The following MFSD6 variants were observed in gnomAD, a reference collection of about 807,000 sequenced individuals.
MFSD6 encodes the protein major facilitator superfamily domain containing 6.
Under a neutral mutation model 56.3 loss-of-function variants are expected in MFSD6, and 26 were observed. The observed-to-expected ratio is 0.46, with a 90% CI of 0.34 to 0.64. The LOEUF is 0.64. MFSD6 is among the 30% of genes least tolerant of loss of function. MFSD6 has a pLI of 0.01. For synonymous variants in MFSD6, 331 were observed against 366.9 expected (o/e 0.90, Z 1.12); for missense variants, 750 against 986.2 (o/e 0.76, Z 3.21).
At position 190,487,762 on chromosome 2, in the gene MFSD6, G is replaced by C. The variant is rs544564117; in HGVS notation, c.1631-895G>C. Among the ~76,000 whole-genome samples the C allele has an allele frequency of 8.5e-5, 13 of 152,332 alleles. No homozygotes were observed. The highest frequency in any genetic ancestry group is 3.1e-4 in the African/African-American group (13 of 41,564). On this transcript the variant is annotated intron_variant, in intron 4 of 7. Coordinates refer to ENST00000392328, the MANE Select transcript of MFSD6 (RefSeq NM_017694.4). The surrounding 1 kb of genome is among the most constrained non-coding windows in gnomAD (Gnocchi z 5.5). ...ATATATAAGTTCTGGCAAGGAGGTGGAGAAATTGGATCTCTCATACAGTTC... is the reference window on the plus strand; with the variant it reads ...ATATATAAGTTCTGGCAAGGAGGTGCAGAAATTGGATCTCTCATACAGTTC...
intron 1 of MFSD6, among the ~76,000 whole-genome samples, chr2:190,409,680 A>G (rs1477246346): frequency 6.6e-6 from 1 of 152,136 alleles, no homozygotes; most frequent in Admixed American, 6.6e-5. Context: ...ATAAAAGGAG[A>G]TGTGTACTTG....
At chr2:190,450,239 A>G (rs1487393840) in intron 3 of MFSD6, among the ~76,000 whole-genome samples, 1 of 152,118 alleles carries the variant, frequency 6.6e-6, no homozygotes, top group African/African-American at 2.4e-5. Context: ...ATATACATGG[A>G]AATATCTGGC....
chr2:190,497,779 TCA>T lies in MFSD6; in HGVS notation c.2172+61_2172+62del. 3 of 1,512,756 alleles carry T rather than the reference TCA, an allele frequency of 2.0e-6. No homozygotes were observed. The highest frequency in any genetic ancestry group is 1.8e-6 in the Non-Finnish European group (2 of 1,111,548). 93.7% of individuals were successfully genotyped at this position (1,512,756 alleles called of 1,614,324 possible). On this transcript the variant is annotated intron_variant, in intron 7 of 7. Transcript: ENST00000392328. This position sits in a 1 kb window ranked among gnomAD's most constrained non-coding sequence, Gnocchi z 5.2. Reference sequence around the variant, plus strand: ...GTCACTCAAGATACCTTAACTGGGCTCAGTTTTAATTACTCACTTTTCATTCA... The same window carrying T: ...GTCACTCAAGATACCTTAACTGGGCTGTTTTAATTACTCACTTTTCATTCA...
chr2:190,440,779 A>G (rs948384289), intron 3 of MFSD6, among the ~76,000 whole-genome samples: 11 of 152,210 alleles, frequency 7.2e-5, no homozygotes, highest in African/African-American at 2.7e-4. Context: ...TACATTACCT[A>G]TTATTAGCCA....
At chr2:190,472,476 A>T (rs1051702506) in intron 4 of MFSD6, among the ~76,000 whole-genome samples, 1 of 152,228 alleles carries the variant, frequency 6.6e-6, no homozygotes, top group African/African-American at 2.4e-5. Context: ...CATCTGGAAG[A>T]AAGGGTATCA....
At position 190,462,730 on chromosome 2, in the gene MFSD6, C is replaced by T. The variant is rs1294300369; in HGVS notation, c.1533-7028C>T. On this transcript the variant is annotated intron_variant, in intron 3 of 7. Transcript: ENST00000392328. The surrounding 1 kb of genome is among the most constrained non-coding windows in gnomAD (Gnocchi z 5.7). Reference sequence around the variant, plus strand: ...GATGATTCCTTTCAACAGTGGGACTCTCAAAATCAGAGGTACCAGTGCCCC... The same window carrying T: ...GATGATTCCTTTCAACAGTGGGACTTTCAAAATCAGAGGTACCAGTGCCCC... 1.3e-5 allele frequency among the ~76,000 whole-genome samples: 2 copies of T among 152,166 alleles called. No individual in the cohort carries two copies. The highest frequency in any genetic ancestry group is 1.9e-4 in the East Asian group (1 of 5,198).
intron 2 of MFSD6, among the ~76,000 whole-genome samples, chr2:190,432,719 A>G (rs1686047112): frequency 2.0e-5 from 3 of 152,210 alleles, no homozygotes; most frequent in Non-Finnish European, 4.4e-5. Flanking sequence ...ACCTGGCCAA[A>G]ATCTCTGTGT....
intron 1 of MFSD6, among the ~76,000 whole-genome samples, chr2:190,409,922 T>C (rs1258985287): frequency 6.6e-6 from 1 of 152,148 alleles, no homozygotes; most frequent in Non-Finnish European, 1.5e-5. Flanking sequence ...GGATGGGACA[T>C]TGTTAATGAG....
rs1471720347 is a variant in MFSD6, at chr2:190,498,243, G to A, written c.2172+524G>A. 2.0e-5 allele frequency among the ~76,000 whole-genome samples: 3 copies of A among 152,190 alleles called. No homozygotes were observed. Among genetic ancestry groups the A allele is most frequent in the Non-Finnish European group, 1.5e-5 (1 of 68,042 alleles). On this transcript the variant is annotated intron_variant, in intron 7 of 7. Transcript: ENST00000392328. This position sits in a 1 kb window ranked among gnomAD's most constrained non-coding sequence, Gnocchi z 5.9. ...AGAGGAGTGATCTTTCCTGAGTAAA[G>A]TTAAAGCATGTTGATAAAAGTGTGG...
intron 2 of MFSD6, among the ~76,000 whole-genome samples, chr2:190,427,846 C>A (rs1837686): frequency 0.13 from 19,610 of 152,110 alleles, 1,604 homozygotes; most frequent in Middle Eastern, 0.22. Context: ...ATTCTCCTGT[C>A]TCAGCCTCCT....
Position 190,462,521 on chromosome 2 carries a change from A to C in MFSD6, c.1533-7237A>C, listed in dbSNP as rs1302172932. On this transcript the variant is annotated intron_variant, in intron 3 of 7. Coordinates refer to ENST00000392328, the MANE Select transcript of MFSD6 (RefSeq NM_017694.4). This position sits in a 1 kb window ranked among gnomAD's most constrained non-coding sequence, Gnocchi z 5.7. ...TTATGGATTCATGGAGTGCCTGAGC[A>C]AGGCAGGCTCTTTTTGAGTACAAAG... 6.6e-6 allele frequency among the ~76,000 whole-genome samples: 1 copy of C among 152,226 alleles called. No individual in the cohort carries two copies. The highest frequency in any genetic ancestry group is 2.4e-5 in the African/African-American group (1 of 41,466).
rs905486283 is a variant in MFSD6, at chr2:190,456,187, C to T, written c.1533-13571C>T. Among the ~76,000 whole-genome samples the T allele has an allele frequency of 4.6e-5, 7 of 151,880 alleles. No homozygotes were observed. The highest frequency in any genetic ancestry group is 4.8e-5 in the African/African-American group (2 of 41,364). ...AACTCCTGACCTCAGGTGATCTACC[C>T]GCCTCAGCCTCCCAAAGTGCTAGGA... On this transcript the variant is annotated intron_variant, in intron 3 of 7. Transcript: ENST00000392328. This position sits in a 1 kb window ranked among gnomAD's most constrained non-coding sequence, Gnocchi z 5.4.
rs1175260491 is a variant in MFSD6, at chr2:190,408,418, C to T, written c.-261C>T. The T allele has an allele frequency of 6.6e-6, 1 of 150,626 alleles. No homozygotes were observed. The highest frequency in any genetic ancestry group is 2.4e-5 in the African/African-American group (1 of 41,124). The allele number at this position is 150,626 out of a possible 1,614,324, so 9.3% of individuals were successfully genotyped here. ...GTGCGCGCTGCCCCGACAGCCGCCG[C>T]CCCGGCGCCCCGAGCCGCCGCCCCG... On this transcript the variant is annotated 5_prime_UTR_variant, in exon 1 of 8. Coordinates refer to ENST00000392328, the MANE Select transcript of MFSD6 (RefSeq NM_017694.4).
At position 190,467,114 on chromosome 2, in the gene MFSD6, T is replaced by C. The variant is rs912903107; in HGVS notation, c.1533-2644T>C. On this transcript the variant is annotated intron_variant, in intron 3 of 7. Transcript: ENST00000392328. The surrounding 1 kb of genome is among the most constrained non-coding windows in gnomAD (Gnocchi z 5.5). Reference sequence around the variant, plus strand: ...ACACTAGGAAAGTGGATTACCAACATTGTTTTATGATGGGATTATATTACA... The same window carrying C: ...ACACTAGGAAAGTGGATTACCAACACTGTTTTATGATGGGATTATATTACA... Among the ~76,000 whole-genome samples, 3 of 152,214 alleles carry C rather than the reference T, an allele frequency of 2.0e-5. No individual in the cohort carries two copies. Among genetic ancestry groups the C allele is most frequent in the Admixed American group, 6.5e-5 (1 of 15,290 alleles).
chr2:190,409,536 G>A (rs1386228153), intron 1 of MFSD6, among the ~76,000 whole-genome samples: 2 of 152,198 alleles, frequency 1.3e-5, no homozygotes, highest in South Asian at 2.1e-4. Flanking sequence ...ACATGGAAAA[G>A]AGGATGGTTG....
intron 4 of MFSD6, among the ~76,000 whole-genome samples, chr2:190,472,146 A>G (rs918134998): frequency 6.6e-6 from 1 of 152,216 alleles, no homozygotes; most frequent in African/African-American, 2.4e-5. Context: ...GGGAAAAAAC[A>G]GAGCAGAAAA....
chr2:190,486,552 C>T (rs999486603), intron 4 of MFSD6, among the ~76,000 whole-genome samples: 2 of 152,202 alleles, frequency 1.3e-5, no homozygotes, highest in Non-Finnish European at 2.9e-5. Context: ...TTTTCATTTG[C>T]TTCCCATCTC....
intron 1 of MFSD6, chr2:190,411,144 C>T (rs1575809604): frequency 4.1e-6 from 4 of 981,492 alleles, no homozygotes; most frequent in African/African-American, 1.8e-5. Context: ...CTTTTTGTCC[C>T]CAAACTGTTG....
chr2:190,459,138 C>T lies in MFSD6; in HGVS notation c.1533-10620C>T, dbSNP rs192901367. On this transcript the variant is annotated intron_variant, in intron 3 of 7. Transcript: ENST00000392328. The surrounding 1 kb of genome is among the most constrained non-coding windows in gnomAD (Gnocchi z 5.3). Reference sequence around the variant, plus strand: ...CATCCTATCCAAGACTCCTTTTTTCCTCCCTCCATATTGTGGCTCCTTTCT... The same window carrying T: ...CATCCTATCCAAGACTCCTTTTTTCTTCCCTCCATATTGTGGCTCCTTTCT... Among the ~76,000 whole-genome samples, 89 of 152,262 alleles carry T rather than the reference C, an allele frequency of 5.8e-4. No homozygotes were observed. The highest frequency in any genetic ancestry group is 2.1e-3 in the African/African-American group (87 of 41,556).
Sources: gnomAD v4.1 joint callset for allele counts (sites outside exome capture counted in the v4.1 genomes callset) on GRCh38, gnomAD v4.1.1 for gene constraint, Gnocchi (gnomAD v3.1) non-coding constraint, MANE v1.5 for transcripts, NCBI Gene and HGNC (gene_info 2026-07-23, HGNC 2026-07-21) for gene names.